CCDC7: variants seen among roughly 807,000 people sequenced by gnomAD.
CCDC7 encodes coiled-coil domain-containing protein 7.
CCDC7 carries 183 observed loss-of-function variants against 196.9 expected under a neutral mutation model. The ratio of observed to expected loss-of-function variants is 0.93; its 90% CI spans 0.82 to 1.05. The LOEUF is 1.05. Ranked by LOEUF, CCDC7 falls within the 50% of genes least tolerant of loss-of-function variation. The pLI is 0.00. For synonymous variants in CCDC7, 525 were observed against 484.6 expected (o/e 1.08, Z -1.10); for missense variants, 1,540 against 1,482.2 (o/e 1.04, Z -0.64).
At chr10:32,728,467 A>G (rs2083441444) in intron 26 of CCDC7, among the ~76,000 whole-genome samples, 1 of 152,174 alleles carries the variant, frequency 6.6e-6, no homozygotes, top group Admixed American at 6.6e-5. Flanking sequence ...TTTGTGGTAT[A>G]TATATCTGTT....
chr10:32,472,865 G>A (rs1236714546), intron 7 of CCDC7, among the ~76,000 whole-genome samples: 1 of 152,066 alleles, frequency 6.6e-6, no homozygotes, highest in East Asian at 1.9e-4. Context: ...TAAAATGTTG[G>A]GATTACAGGC....
chr10:32,559,038 CG>C (rs1450198082), intron 13 of CCDC7, among the ~76,000 whole-genome samples: 1 of 152,238 alleles, frequency 6.6e-6, no homozygotes, highest in Non-Finnish European at 1.5e-5. Context: ...CTTGGAGGGT[CG>C]TACGCCCACG....
chr10:32,595,417 C>T (rs375778325), intron 18 of CCDC7, among the ~76,000 whole-genome samples: 5 of 152,128 alleles, frequency 3.3e-5, no homozygotes, highest in East Asian at 1.9e-4. Context: ...TTTTTTATTG[C>T]GTCTATTTGA....
intron 25 of CCDC7, among the ~76,000 whole-genome samples, chr10:32,714,597 G>C (rs1448954849): frequency 6.6e-6 from 1 of 152,162 alleles, no homozygotes; most frequent in East Asian, 1.9e-4. Flanking sequence ...GAGCTGAGTG[G>C]TCTTCCTCAG....
intron 2 of CCDC7, 52 bp from the exon 4 acceptor site, chr10:32,456,199 A>G: frequency 7.2e-7 from 1 of 1,392,760 alleles, no homozygotes; most frequent in East Asian, 2.6e-5. Flanking sequence ...AAAGACAGAC[A>G]TGCATATGGA....
chr10:32,493,323 A>G (rs1380568703), intron 9 of CCDC7, among the ~76,000 whole-genome samples: 1 of 151,644 alleles, frequency 6.6e-6, no homozygotes, highest in Non-Finnish European at 1.5e-5. Flanking sequence ...ATGTTGTTGC[A>G]GATGACAGGA....
intron 18 of CCDC7, among the ~76,000 whole-genome samples, chr10:32,624,782 C>T (rs957660439): frequency 6.6e-6 from 1 of 152,026 alleles, no homozygotes; most frequent in Admixed American, 6.6e-5. Context: ...CATATACTTA[C>T]TGGCCATTTG....
At chr10:32,479,145 C>A (rs988287248) in intron 8 of CCDC7, among the ~76,000 whole-genome samples, 2 of 151,986 alleles carry the variant, frequency 1.3e-5, no homozygotes, top group Non-Finnish European at 2.9e-5. Context: ...TAGGGATGGT[C>A]CCTCTTTCTT....
chr10:32,598,747 GT>G (rs1227735353), intron 18 of CCDC7, among the ~76,000 whole-genome samples: 1 of 152,046 alleles, frequency 6.6e-6, no homozygotes, highest in Non-Finnish European at 1.5e-5. Flanking sequence ...CTAATTTCTA[GT>G]TTTTAAAAAT....
At chr10:32,682,573 T>G (rs2075990817) in intron 21 of CCDC7, among the ~76,000 whole-genome samples, 1 of 152,220 alleles carries the variant, frequency 6.6e-6, no homozygotes, top group Non-Finnish European at 1.5e-5. Context: ...ATTTCCAAAC[T>G]GTTTTCCACA....
chr10:32,785,230 A>G (rs2081654802), intron 29 of CCDC7, among the ~76,000 whole-genome samples: 1 of 152,210 alleles, frequency 6.6e-6, no homozygotes, highest in South Asian at 2.1e-4. Flanking sequence ...AAAATTGACT[A>G]CATATTAGGC....
chr10:32,564,146 AAAC>A (rs1318665954), intron 13 of CCDC7, among the ~76,000 whole-genome samples: 1 of 152,208 alleles, frequency 6.6e-6, no homozygotes, highest in Non-Finnish European at 1.5e-5. Context: ...AGAAGTCAGG[AAAC>A]AACAGGTGCT....
chr10:32,764,882 T>C (rs1034632981), intron 28 of CCDC7, among the ~76,000 whole-genome samples: 9 of 152,060 alleles, frequency 5.9e-5, no homozygotes, highest in African/African-American at 2.2e-4. Flanking sequence ...AACAACAGTG[T>C]CATGGTTACC....
intron 28 of CCDC7, among the ~76,000 whole-genome samples, chr10:32,745,146 C>T (rs1301900221): frequency 6.6e-6 from 1 of 152,198 alleles, no homozygotes; most frequent in Non-Finnish European, 1.5e-5. Context: ...GAATCCACTT[C>T]TGGGCTCTCT....
chr10:32,808,944 G>T (rs1193937103), intron 30 of CCDC7, among the ~76,000 whole-genome samples: 1 of 152,202 alleles, frequency 6.6e-6, no homozygotes, highest in Non-Finnish European at 1.5e-5. Flanking sequence ...GGAGGTGAAG[G>T]TGGCAGGATC....
chr10:32,804,140 C>T (rs141334326), intron 29 of CCDC7, among the ~76,000 whole-genome samples: 4 of 152,242 alleles, frequency 2.6e-5, no homozygotes, highest in African/African-American at 7.2e-5. Flanking sequence ...CTAGTAGGCA[C>T]ATGTGCTGCT....
chr10:32,695,613 G>A (rs1406466232), intron 24 of CCDC7, among the ~76,000 whole-genome samples: 2 of 152,222 alleles, frequency 1.3e-5, no homozygotes, highest in Non-Finnish European at 2.9e-5. Context: ...AGCCCTTGCC[G>A]GGTAGTGTTT....
intron 18 of CCDC7, among the ~76,000 whole-genome samples, chr10:32,601,085 T>C (rs2060948871): frequency 6.6e-6 from 1 of 152,166 alleles, no homozygotes; most frequent in African/African-American, 2.4e-5. Context: ...TTTATCTTAT[T>C]GAGGCTCGCT....
At chr10:32,860,739 C>T (rs1044564331) in intron 41 of CCDC7, among the ~76,000 whole-genome samples, 2 of 152,020 alleles carry the variant, frequency 1.3e-5, no homozygotes, top group African/African-American at 4.8e-5. Flanking sequence ...AAGCAATGTG[C>T]AAAAATCACA....
Sources: allele counts gnomAD v4.1 joint callset (sites outside exome capture counted in the v4.1 genomes callset), GRCh38; gene constraint gnomAD v4.1.1; transcripts MANE v1.5; gene names NCBI Gene and HGNC (gene_info 2026-07-23, HGNC 2026-07-21).